The following ZBTB46 variants were observed in gnomAD, a reference collection of about 807,000 sequenced individuals.
The protein encoded by ZBTB46 is zinc finger and BTB domain-containing protein 46.
Under a neutral mutation model 44.1 loss-of-function variants are expected in ZBTB46, and 8 were observed. That is an observed-to-expected ratio of 0.18 (90% CI 0.11 to 0.33). ZBTB46 has a LOEUF of 0.33. ZBTB46 is among the 10% of genes least tolerant of loss of function. The pLI is 1.00. For synonymous variants in ZBTB46, 409 were observed against 382.3 expected (o/e 1.07, Z -0.81); for missense variants, 651 against 847.7 (o/e 0.77, Z 2.88).
chr20:63,766,308 C>T (rs932716370), intron 3 of ZBTB46, among the ~76,000 whole-genome samples: 1 of 147,784 alleles, frequency 6.8e-6, no homozygotes, highest in African/African-American at 2.5e-5. Context: ...TTCCGCCTCC[C>T]GGGTTCAAGT....
intron 1 of ZBTB46, among the ~76,000 whole-genome samples, chr20:63,809,180 G>A (rs968941473): frequency 2.0e-5 from 3 of 152,054 alleles, no homozygotes; most frequent in Non-Finnish European, 4.4e-5. Context: ...GGCCGAAGTG[G>A]GCACTAAAGG....
intron 1 of ZBTB46, among the ~76,000 whole-genome samples, chr20:63,823,889 T>TGTGTG (rs1568910610): frequency 2.0e-5 from 3 of 150,742 alleles, no homozygotes; most frequent in East Asian, 3.9e-4. Flanking sequence ...TGTGTGTGTG[T>TGTGTG]TCTTTGGGAC....
intron 3 of ZBTB46, among the ~76,000 whole-genome samples, chr20:63,774,147 C>T (rs940789244): frequency 2.6e-4 from 38 of 143,918 alleles, no homozygotes; most frequent in South Asian, 8.7e-4. Flanking sequence ...CCCGTCTGTG[C>T]AGTGCTCAGC....
At position 63,803,172 on chromosome 20, in the gene ZBTB46, G is replaced by A. The variant is rs935550419; in HGVS notation, c.-33-12382C>T. On this transcript the variant is annotated intron_variant, in intron 1 of 4. Coordinates refer to ENST00000245663, the MANE Select transcript of ZBTB46 (RefSeq NM_001369741.1). The surrounding 1 kb of genome is among the most constrained non-coding windows in gnomAD (Gnocchi z 4.0). The stretch of plus-strand genomic sequence containing the variant: ...CATCCCCCAGGATGCCATCCAGGCA[G>A]GGACCAGTGTGGGCACCATCCCCCA... Among the ~76,000 whole-genome samples, 5 of 151,854 alleles carry A rather than the reference G, an allele frequency of 3.3e-5. No individual in the cohort carries two copies. Among genetic ancestry groups the A allele is most frequent in the Non-Finnish European group, 7.4e-5 (5 of 67,936 alleles).
At position 63,805,505 on chromosome 20, in the gene ZBTB46, G is replaced by C. The variant is rs1035187236; in HGVS notation, c.-33-14715C>G. Among the ~76,000 whole-genome samples the C allele has an allele frequency of 5.9e-5, 9 of 152,274 alleles. No individual in the cohort carries two copies. In the East Asian group the frequency reaches 7.7e-4, roughly 13 times the overall value. The stretch of plus-strand genomic sequence containing the variant: ...AGACACAGGGAGGAGAGAAGGTCAT[G>C]TGACCACAGGCAGAAACTGGAGTGA... On this transcript the variant is annotated intron_variant, in intron 1 of 4. Coordinates refer to ENST00000245663, the MANE Select transcript of ZBTB46 (RefSeq NM_001369741.1).
rs186033675 is a variant in ZBTB46 at position 63,818,403 on chromosome 20, C to T, written c.-34+12694G>A. 3.8e-3 allele frequency among the ~76,000 whole-genome samples: 576 copies of T among 152,334 alleles called. 4 individuals carry two copies. The highest frequency in any genetic ancestry group is 6.8e-3 in the Middle Eastern group (2 of 294). On this transcript the variant is annotated intron_variant, in intron 1 of 4. Transcript: ENST00000245663. ...TGGGTCTTCGTGAGGAGGAGAGCAG[C>T]GCAGTGCCGCCCCGCAGTCAGTTCT...
intron 3 of ZBTB46, among the ~76,000 whole-genome samples, chr20:63,762,029 A>C (rs2092282047): frequency 6.6e-6 from 1 of 152,162 alleles, no homozygotes; most frequent in South Asian, 2.1e-4. Flanking sequence ...CATTTGGAAT[A>C]TCCTGCACTT....
At chr20:63,772,730 C>A (rs2092385675) in intron 3 of ZBTB46, among the ~76,000 whole-genome samples, 1 of 48,970 alleles carries the variant, frequency 2.0e-5, no homozygotes, top group Admixed American at 1.8e-4. Context: ...AAAACACACA[C>A]ACACACACAC....
At chr20:63,821,643 T>C (rs1277559412) in intron 1 of ZBTB46, among the ~76,000 whole-genome samples, 1 of 152,010 alleles carries the variant, frequency 6.6e-6, no homozygotes, top group Non-Finnish European at 1.5e-5. Flanking sequence ...AAATGGGGTT[T>C]CACCATGTCA....
chr20:63,770,960 C>T (rs570816847), intron 3 of ZBTB46, among the ~76,000 whole-genome samples: 1 of 130,388 alleles, frequency 7.7e-6, no homozygotes, highest in African/African-American at 3.0e-5. Flanking sequence ...GCACCGGCCA[C>T]GCCCGGCACA....
At position 63,747,073 on chromosome 20, in the gene ZBTB46, C is replaced by G. The variant is rs149916239; in HGVS notation, c.1627G>C (p.Gly543Arg). Residue 543 changes from glycine to arginine, a missense_variant, in exon 5 of 5, where the codon GGG becomes CGG. By Grantham distance (125) the Gly-to-Arg change is moderately radical. Around this residue, in one of 5 missense-constraint regions of ZBTB46, gnomAD observed 106 missense variants for 81.0 expected, o/e 1.31. Transcript: ENST00000245663. ...TCCTCGCCCAGCTCCTCCGCCTCCC[C>G]TCGTGGGTCCTCAGGGTCCTCCAGA... ...PYLEDPEDPR[G>R]EAEELGEDDE... 7 of 1,609,064 alleles carry G rather than the reference C, an allele frequency of 4.4e-6. No individual in the cohort carries two copies. The highest frequency in any genetic ancestry group is 1.7e-4 in the Middle Eastern group (1 of 6,060).
intron 1 of ZBTB46, among the ~76,000 whole-genome samples, chr20:63,822,409 T>C (rs984376548): frequency 6.6e-6 from 1 of 152,150 alleles, no homozygotes; most frequent in Non-Finnish European, 1.5e-5. Flanking sequence ...CTGACACGTG[T>C]ACACGCATGC....
At position 63,787,908 on chromosome 20, in the gene ZBTB46, C is replaced by G. The variant is rs1271947099; in HGVS notation, c.937+1913G>C. On this transcript the variant is annotated intron_variant, in intron 2 of 4. Transcript: ENST00000245663. This position sits in a 1 kb window ranked among gnomAD's most constrained non-coding sequence, Gnocchi z 4.6. ...GAGAAGAGGCCACACCCGCCCTGCCCAGGAAGCCCTCCAGCCAGGGGGGCA... is the reference window on the plus strand; with the variant it reads ...GAGAAGAGGCCACACCCGCCCTGCCGAGGAAGCCCTCCAGCCAGGGGGGCA... The G allele has an allele frequency of 1.3e-5, 2 of 152,272 alleles. No homozygotes were observed. Among genetic ancestry groups the G allele is most frequent in the South Asian group, 2.1e-4 (1 of 4,838 alleles). 9.4% of individuals were successfully genotyped at this position (152,272 alleles called of 1,614,324 possible).
chr20:63,798,450 G>A (rs1252019881), intron 1 of ZBTB46, among the ~76,000 whole-genome samples: 6 of 151,852 alleles, frequency 4.0e-5, no homozygotes, highest in East Asian at 3.9e-4. Flanking sequence ...CGAGGTGGGC[G>A]GATTACCTGA....
At chr20:63,826,492 G>A (rs2092820054) in intron 1 of ZBTB46, among the ~76,000 whole-genome samples, 1 of 152,100 alleles carries the variant, frequency 6.6e-6, no homozygotes, top group Non-Finnish European at 1.5e-5. Flanking sequence ...GGAGGCCGAG[G>A]CGGGTGAATC....
At chr20:63,773,796 C>T (rs1015449199) in intron 3 of ZBTB46, among the ~76,000 whole-genome samples, 2 of 152,182 alleles carry the variant, frequency 1.3e-5, no homozygotes, top group Non-Finnish European at 2.9e-5. Context: ...GCCCACGAAA[C>T]GTGCCCAGCG....
At chr20:63,819,140 T>A (rs2092777138) in intron 1 of ZBTB46, among the ~76,000 whole-genome samples, 1 of 152,148 alleles carries the variant, frequency 6.6e-6, no homozygotes, top group African/African-American at 2.4e-5. Context: ...GCCACTGCAC[T>A]CCAGCCTGGG....
At chr20:63,772,902 G>A (rs1043011399) in intron 3 of ZBTB46, among the ~76,000 whole-genome samples, 1 of 152,180 alleles carries the variant, frequency 6.6e-6, no homozygotes, top group Non-Finnish European at 1.5e-5. Flanking sequence ...CTCAGGCTCC[G>A]CGGCCACTCC....
At chr20:63,829,170 G>A (rs2092835091) in intron 1 of ZBTB46, among the ~76,000 whole-genome samples, 1 of 152,224 alleles carries the variant, frequency 6.6e-6, no homozygotes, top group African/African-American at 2.4e-5. Context: ...GGAGGACGCA[G>A]GGCACTGGGT....
Sources: gnomAD v4.1 joint callset for allele counts (sites outside exome capture counted in the v4.1 genomes callset) on GRCh38, gnomAD v4.1.1 for gene constraint, gnomAD v4.1.1 regional missense constraint, Gnocchi (gnomAD v3.1) non-coding constraint, MANE v1.5 for transcripts, NCBI Gene and HGNC (gene_info 2026-07-23, HGNC 2026-07-21) for gene names.